The following MANBA variants were observed in gnomAD, a reference collection of about 807,000 sequenced individuals.
MANBA encodes mannosidase beta.
In MANBA, 83 loss-of-function variants were observed where a neutral mutation model predicts 111.1. The ratio of observed to expected loss-of-function variants is 0.75; its 90% CI spans 0.63 to 0.90. The LOEUF is 0.90. MANBA is among the 40% of genes least tolerant of loss of function. The pLI, the probability that MANBA is intolerant of heterozygous loss-of-function variation, is 0.00. For synonymous variants in MANBA, 370 were observed against 378.7 expected (o/e 0.98, Z 0.27); for missense variants, 1,036 against 1,069.0 (o/e 0.97, Z 0.43).
chr4:102,760,683 G>A (rs1724206986), intron 1 of MANBA, 35 bp downstream of exon 1: 1 of 1,504,870 alleles, frequency 6.6e-7, no homozygotes, highest in East Asian at 2.5e-5. Context: ...AAGAAGGCGG[G>A]CGCAGGCTCG....
intron 1 of MANBA, among the ~76,000 whole-genome samples, chr4:102,747,167 A>C (rs1271221683): frequency 6.6e-6 from 1 of 151,398 alleles, no homozygotes; most frequent in East Asian, 1.9e-4. Context: ...GGATATATAT[A>C]TATATAAAGG....
In MANBA at chr4:102,632,184, C is replaced by T. The variant is rs1415897035; in HGVS notation, c.2513G>A (p.Arg838Lys). The T allele has an allele frequency of 6.2e-7, 1 of 1,613,486 alleles. No individual in the cohort carries two copies. Among genetic ancestry groups the T allele is most frequent in the Non-Finnish European group, 8.5e-7 (1 of 1,179,382 alleles). Residue 838 changes from arginine (R) to lysine (K), a missense_variant, in exon 17 of 17, where the codon AGA (arginine) becomes AAA (lysine). Coordinates refer to ENST00000647097, the MANE Select transcript of MANBA (RefSeq NM_005908.4). ...VWLDVGSIPG[R>K]FSDNGFLMTE... ...CATGAGGAAACCATTGTCACTAAAT[C>T]TCCCTGGGATGCTTCCTACATCCAA...
chr4:102,689,722 A>G (rs959190235), intron 6 of MANBA, 38 bp from the exon 7 acceptor site: 2 of 1,156,512 alleles, frequency 1.7e-6, no homozygotes, highest in Non-Finnish European at 2.6e-6. Flanking sequence ...AATATGTCAT[A>G]TTTTCAGCAA....
chr4:102,698,150 A>T (rs1320653853), intron 5 of MANBA, among the ~76,000 whole-genome samples: 3 of 152,034 alleles, frequency 2.0e-5, no homozygotes, highest in Admixed American at 6.6e-5. Flanking sequence ...TGCATAAATG[A>T]CTTCTTTTGA....
intron 16 of MANBA, 44 bp from the exon 17 acceptor site, chr4:102,632,325 A>C: frequency 7.2e-7 from 1 of 1,387,088 alleles, no homozygotes; most frequent in Non-Finnish European, 1.0e-6. Flanking sequence ...GGATGAGGGA[A>C]GAGTTATATA....
At chr4:102,707,999 C>G (rs1360838494) in intron 5 of MANBA, among the ~76,000 whole-genome samples, 2 of 151,890 alleles carry the variant, frequency 1.3e-5, no homozygotes, top group African/African-American at 2.4e-5. Context: ...CTTGGAGAAC[C>G]CAGATTCATG....
intron 4 of MANBA, among the ~76,000 whole-genome samples, chr4:102,720,904 A>G (rs1269333404): frequency 1.3e-5 from 2 of 152,256 alleles, no homozygotes; most frequent in African/African-American, 4.8e-5. Context: ...ATAATTTAAT[A>G]GTAAATCAAT....
At chr4:102,682,441 T>C (rs1732029709) in intron 7 of MANBA, among the ~76,000 whole-genome samples, 1 of 152,108 alleles carries the variant, frequency 6.6e-6, no homozygotes, top group Non-Finnish European at 1.5e-5. Flanking sequence ...TGTCTGCACC[T>C]AGGGCTAACT....
At chr4:102,721,736 G>C (rs767287018) in intron 4 of MANBA, among the ~76,000 whole-genome samples, 1 of 152,082 alleles carries the variant, frequency 6.6e-6, no homozygotes, top group Non-Finnish European at 1.5e-5. Flanking sequence ...ACATAGAAAA[G>C]AGTAGAATGG....
intron 12 of MANBA, among the ~76,000 whole-genome samples, chr4:102,653,037 A>T (rs929437311): frequency 3.3e-5 from 5 of 152,142 alleles, no homozygotes; most frequent in Admixed American, 2.0e-4. Context: ...AGTTCATTAA[A>T]CCCAGAAGGA....
At chr4:102,716,659 A>C (rs1722345911) in intron 4 of MANBA, among the ~76,000 whole-genome samples, 1 of 152,210 alleles carries the variant, frequency 6.6e-6, no homozygotes, top group Non-Finnish European at 1.5e-5. Context: ...TTCTTAAAAG[A>C]AAAAAATATT....
intron 7 of MANBA, among the ~76,000 whole-genome samples, chr4:102,688,105 C>T (rs1732298592): frequency 6.6e-6 from 1 of 152,152 alleles, no homozygotes; most frequent in Non-Finnish European, 1.5e-5. Context: ...CCTCTTCTTT[C>T]TCTGTAGTAA....
At chr4:102,752,335 A>AG (rs1723839788) in intron 1 of MANBA, 2 of 1,361,208 alleles carry the variant, frequency 1.5e-6, no homozygotes, top group South Asian at 2.3e-5. Context: ...AAGCACAGAT[A>AG]GGCATACCAG....
chr4:102,759,185 G>A (rs1470739268), intron 1 of MANBA, among the ~76,000 whole-genome samples: 1 of 147,280 alleles, frequency 6.8e-6, no homozygotes, highest in African/African-American at 2.5e-5. Context: ...GGCCATGCTG[G>A]TCTTGAACTC....
chr4:102,655,306 G>A (rs1192467553), intron 12 of MANBA, among the ~76,000 whole-genome samples: 1 of 151,806 alleles, frequency 6.6e-6, no homozygotes, highest in Admixed American at 6.6e-5. Flanking sequence ...GCAGAAATTG[G>A]CAAATAGATC....
chr4:102,730,205 C>T, intron 1 of MANBA: 1 of 638,644 alleles, frequency 1.6e-6, no homozygotes, highest in Non-Finnish European at 2.7e-6. Context: ...GAAGGCCGAA[C>T]CAGATAGAGA....
intron 7 of MANBA, chr4:102,683,001 C>T (rs890417531): frequency 1.3e-5 from 2 of 152,260 alleles, no homozygotes; most frequent in East Asian, 1.9e-4. Context: ...TACAAAAATA[C>T]ACCTTGATTA....
Position 102,718,735 on chromosome 4 carries a change from C to T in MANBA, c.549+4136G>A, listed in dbSNP as rs150819397. On this transcript the variant is annotated intron_variant, in intron 4 of 16. Transcript: ENST00000647097. ...TCAACATAGGTTCTTTTCTATTTTC[C>T]CTAAGTGTCAGCCAGTCTGAGAAAT... is the stretch of plus-strand genomic sequence containing the variant. 3.9e-3 allele frequency among the ~76,000 whole-genome samples: 594 copies of T among 152,268 alleles called. 1 individual carries two copies. The highest frequency in any genetic ancestry group is 4.7e-3 in the Non-Finnish European group (319 of 68,022).
At chr4:102,654,870 G>T (rs1252412278) in intron 12 of MANBA, among the ~76,000 whole-genome samples, 1 of 152,060 alleles carries the variant, frequency 6.6e-6, no homozygotes, top group Admixed American at 6.6e-5. Flanking sequence ...AAGGCTTCCA[G>T]ATTGGAAAGG....
Sources: gnomAD v4.1 joint callset for allele counts (sites outside exome capture counted in the v4.1 genomes callset) on GRCh38, gnomAD v4.1.1 for gene constraint, MANE v1.5 for transcripts, NCBI Gene and HGNC (gene_info 2026-07-23, HGNC 2026-07-21) for gene names.